The following ARL2 variants were observed in gnomAD, a reference collection of about 807,000 sequenced individuals.
The protein encoded by ARL2 is ARF like GTPase 2, also known as ADP-ribosylation factor-like protein 2.
In ARL2, 11 loss-of-function variants were observed where a neutral mutation model predicts 22.0. The observed-to-expected ratio is 0.50, with a 90% CI of 0.31 to 0.83. The LOEUF (loss-of-function observed/expected upper bound fraction) is 0.83, where lower values mean the gene tolerates loss of function less well. ARL2 is among the 40% of genes least tolerant of loss of function. ARL2 has a pLI of 0.04. For synonymous variants in ARL2, 111 were observed against 100.8 expected (o/e 1.10, Z -0.61); for missense variants, 216 against 243.2 (o/e 0.89, Z 0.74).
rs1302164881 is a variant in ARL2, at chr11:65,021,784, G to A, written c.484G>A (p.Gly162Arg). ...WCIQGCSAVT[G>R]ENLLPGIDWL... ...CATCCAGGGCTGCAGCGCCGTCACC[G>A]GGGAGAACCTGCTGCCGGGCATCGA... The change falls in exon 5 of 5, where the codon GGG (glycine) becomes AGG (arginine). Residue 162 changes from glycine to arginine, a missense_variant. Transcript: ENST00000246747. The A allele has an allele frequency of 3.7e-6, 6 of 1,613,138 alleles. No individual in the cohort carries two copies. Among genetic ancestry groups the A allele is most frequent in the Non-Finnish European group, 5.1e-6 (6 of 1,179,914 alleles).
chr11:65,021,567 T>C lies in ARL2; in HGVS notation c.421-154T>C, dbSNP rs984415469. 5.2e-6 allele frequency: 5 copies of C among 967,418 alleles called. No individual in the cohort carries two copies. In the African/African-American group the frequency reaches 8.3e-5, roughly 16 times the overall value. The allele number at this position is 967,418 out of a possible 1,614,324, so 59.9% of individuals were successfully genotyped here. On this transcript the variant is annotated intron_variant, in intron 4 of 4. Transcript: ENST00000246747. ...CAGGTGCCCCTGGGGTCTGACAAAC[T>C]CTCCCTGGGACCGGCGGGGCTTCCT...
At chr11:65,015,738 TAGTG>T (rs1946243875) in intron 1 of ARL2, among the ~76,000 whole-genome samples, 1 of 151,934 alleles carries the variant, frequency 6.6e-6, no homozygotes, top group Non-Finnish European at 1.5e-5. Flanking sequence ...CTGGGCAACA[TAGTG>T]AGACTCTGTC....
At position 65,014,212 on chromosome 11, in the gene ARL2, G is replaced by T. The variant is rs765723064; in HGVS notation, c.5G>T (p.Gly2Val). Reference protein sequence around the residue: MGLLTILKKMKQ... With the variant: MVLLTILKKMKQ... ...CGGGAGGGGGCTCCGGGGACCATGG[G>T]GCTCCTGACCATTCTGAAGAAGATG... The change falls in exon 1 of 5, where the codon GGG becomes GTG. Residue 2 changes from glycine to valine, a missense_variant. Coordinates refer to ENST00000246747, the MANE Select transcript of ARL2 (RefSeq NM_001667.4). 3.2e-6 allele frequency: 5 copies of T among 1,572,258 alleles called. No individual in the cohort carries two copies. In the East Asian group the frequency reaches 7.7e-5, roughly 24 times the overall value.
chr11:65,021,176 G>A (rs1423094241), intron 4 of ARL2, among the ~76,000 whole-genome samples: 2 of 152,212 alleles, frequency 1.3e-5, no homozygotes, highest in African/African-American at 4.8e-5. Flanking sequence ...ACAGAGGTTA[G>A]GTAACTTGTC....
In ARL2 at chr11:65,022,021, A is replaced by T; in HGVS notation, c.*166A>T. Reference sequence around the variant, plus strand: ...GCTGCTCTGTGGCCACCCGGCTCCCATGGCGGGAGGGCTGTGCCCTGGCTG... The same window carrying T: ...GCTGCTCTGTGGCCACCCGGCTCCCTTGGCGGGAGGGCTGTGCCCTGGCTG... On this transcript the variant is annotated 3_prime_UTR_variant, in exon 5 of 5. Coordinates refer to ENST00000246747, the MANE Select transcript of ARL2 (RefSeq NM_001667.4). 9.6e-7 allele frequency: 1 copy of T among 1,038,790 alleles called. No individual in the cohort carries two copies. The highest frequency in any genetic ancestry group is 1.4e-6 in the Non-Finnish European group (1 of 726,966). 64.3% of individuals were successfully genotyped at this position (1,038,790 alleles called of 1,614,324 possible).
rs914081581 is a variant in ARL2 at position 65,018,936 on chromosome 11, A to G, written c.339+203A>G. ...GAGTTAACGTCCCTGTGGTGTTACT[A>G]CGTCACTACCCTGAGCATCAGTTTC... On this transcript the variant is annotated intron_variant, in intron 3 of 4. Coordinates refer to ENST00000246747, the MANE Select transcript of ARL2 (RefSeq NM_001667.4). The surrounding 1 kb of genome is among the most constrained non-coding windows in gnomAD (Gnocchi z 4.2). 1 of 1,525,236 alleles carries G rather than the reference A, an allele frequency of 6.6e-7. No homozygotes were observed. The highest frequency in any genetic ancestry group is 1.4e-5 in the African/African-American group (1 of 72,868). The allele number at this position is 1,525,236 out of a possible 1,614,324, so 94.5% of individuals were successfully genotyped here.
rs1946219772 is a variant in ARL2, at chr11:65,014,240, G to A, written c.33G>A (p.Lys11=). MGLLTILKKM[K]QKERELRLLM... ...TCCTGACCATTCTGAAGAAGATGAA[G>A]CAGAAAGAGCGGGAGCTGCGACTGC... The change falls in exon 1 of 5, where the codon AAG becomes AAA. Residue 11 remains lysine (K), a synonymous_variant. Transcript: ENST00000246747. 1 of 1,576,314 alleles carries A rather than the reference G, an allele frequency of 6.3e-7. No homozygotes were observed. Among genetic ancestry groups the A allele is most frequent in the Non-Finnish European group, 8.6e-7 (1 of 1,164,944 alleles).
chr11:65,014,517 G>A (rs1348821295), intron 1 of ARL2, among the ~76,000 whole-genome samples: 1 of 152,222 alleles, frequency 6.6e-6, no homozygotes, highest in African/African-American at 2.4e-5. Context: ...TAGGCGGCCC[G>A]AGTGTCAGGG....
chr11:65,021,221 T>A (rs1479930434), intron 4 of ARL2, among the ~76,000 whole-genome samples: 1 of 152,230 alleles, frequency 6.6e-6, no homozygotes, highest in African/African-American at 2.4e-5. Flanking sequence ...ACAGGAAGCC[T>A]GTGTCTGACC....
rs1332064490 is a variant in ARL2 at position 65,018,078 on chromosome 11, G to A, written c.66-286G>A. Among the ~76,000 whole-genome samples the A allele has an allele frequency of 6.6e-6, 1 of 152,192 alleles. No individual in the cohort carries two copies. Among genetic ancestry groups the A allele is most frequent in the East Asian group, 1.9e-4 (1 of 5,190 alleles). On this transcript the variant is annotated intron_variant, in intron 1 of 4. Coordinates refer to ENST00000246747, the MANE Select transcript of ARL2 (RefSeq NM_001667.4). This position sits in a 1 kb window ranked among gnomAD's most constrained non-coding sequence, Gnocchi z 4.2. ...CTCATTTGTTTGTACTTTATTGACT[G>A]TCTTCCCGCTAGAGTGTAAGCTTCC...
rs752241565 is a variant in ARL2, at chr11:65,021,870, C to G, written c.*15C>G. On this transcript the variant is annotated 3_prime_UTR_variant, in exon 5 of 5. Coordinates refer to ENST00000246747, the MANE Select transcript of ARL2 (RefSeq NM_001667.4). ...CAGCTGACTGAACCACTCCAGATGCCCCCCACCTAGCAGTCCAGGTCCCTC... is the reference window on the plus strand; with the variant it reads ...CAGCTGACTGAACCACTCCAGATGCGCCCCACCTAGCAGTCCAGGTCCCTC... 1 of 1,608,498 alleles carries G rather than the reference C, an allele frequency of 6.2e-7. No homozygotes were observed. The highest frequency in any genetic ancestry group is 8.5e-7 in the Non-Finnish European group (1 of 1,178,008).
chr11:65,017,437 C>G (rs956826283), intron 1 of ARL2, among the ~76,000 whole-genome samples: 4 of 152,068 alleles, frequency 2.6e-5, no homozygotes, highest in Non-Finnish European at 4.4e-5. Context: ...CTCAGATGAT[C>G]CACCCACCTT....
chr11:65,016,271 G>T (rs993322946), intron 1 of ARL2, among the ~76,000 whole-genome samples: 35 of 145,368 alleles, frequency 2.4e-4, no homozygotes, highest in East Asian at 9.1e-4. Context: ...AGCAATTCGG[G>T]GGGGGGGGAA....
At chr11:65,021,224 G>T (rs150753376) in intron 4 of ARL2, among the ~76,000 whole-genome samples, 1 of 152,236 alleles carries the variant, frequency 6.6e-6, no homozygotes, top group Non-Finnish European at 1.5e-5. Flanking sequence ...GGAAGCCTGT[G>T]TCTGACCCCA....
In ARL2 at chr11:65,021,734, A is replaced by C; in HGVS notation, c.434A>C (p.Asp145Ala). The change falls in exon 5 of 5, where the codon GAC becomes GCC. Residue 145 changes from aspartate to alanine, a missense_variant. Transcript: ENST00000246747. ...TTGTCCTCCCAGGTCCTGGAGCTGG[A>C]CTCCATCCGCAGCCACCACTGGTGC... The part of the protein sequence containing the change: ...SNAIREVLEL[D>A]SIRSHHWCIQ... 1 of 1,604,788 alleles carries C rather than the reference A, an allele frequency of 6.2e-7. No homozygotes were observed. The highest frequency in any genetic ancestry group is 8.5e-7 in the Non-Finnish European group (1 of 1,176,208).
chr11:65,020,012 G>A (rs1026347368), intron 3 of ARL2, among the ~76,000 whole-genome samples: 1 of 152,220 alleles, frequency 6.6e-6, no homozygotes, highest in Non-Finnish European at 1.5e-5. Context: ...AGGCCTGTCG[G>A]GAGTGGAACG....
intron 1 of ARL2, among the ~76,000 whole-genome samples, chr11:65,015,345 G>T (rs1946237495): frequency 6.6e-6 from 1 of 152,184 alleles, no homozygotes; most frequent in Non-Finnish European, 1.5e-5. Flanking sequence ...TCGAATTCCT[G>T]ACCTCAAGTG....
chr11:65,018,048 C>A lies in ARL2; in HGVS notation c.66-316C>A, dbSNP rs2136906630. On this transcript the variant is annotated intron_variant, in intron 1 of 4. Transcript: ENST00000246747. The surrounding 1 kb of genome is among the most constrained non-coding windows in gnomAD (Gnocchi z 4.2). ...GCTAGCCGGGATCTGGCAGGGCCTT[C>A]TTTTCTCATTTGTTTGTACTTTATT... 1.3e-5 allele frequency among the ~76,000 whole-genome samples: 2 copies of A among 152,296 alleles called. No individual in the cohort carries two copies. Among genetic ancestry groups the A allele is most frequent in the South Asian group, 4.1e-4 (2 of 4,832 alleles).
chr11:65,014,658 T>C (rs1946228101), intron 1 of ARL2, among the ~76,000 whole-genome samples: 1 of 152,166 alleles, frequency 6.6e-6, no homozygotes. Context: ...GCCCTCGAGC[T>C]CCGAATCCCG....
Sources: gnomAD v4.1 joint callset for allele counts (sites outside exome capture counted in the v4.1 genomes callset) on GRCh38, gnomAD v4.1.1 for gene constraint, Gnocchi (gnomAD v3.1) non-coding constraint, MANE v1.5 for transcripts, NCBI Gene and HGNC (gene_info 2026-07-23, HGNC 2026-07-21) for gene names.